CHST10: variants seen among roughly 807,000 people sequenced by gnomAD.
CHST10 encodes the protein HNK-1 sulfotransferase.
A neutral mutation model predicts 34.7 loss-of-function variants in CHST10; 24 were observed. The observed-to-expected ratio is 0.69, with a 90% CI of 0.50 to 0.97. The LOEUF (loss-of-function observed/expected upper bound fraction) is 0.97, where lower values mean the gene tolerates loss of function less well. Among genes scored for constraint, CHST10 ranks in the 50% least tolerant of loss-of-function variants. The pLI is 0.00. For synonymous variants in CHST10, 161 were observed against 169.3 expected (o/e 0.95, Z 0.38); for missense variants, 402 against 452.1 (o/e 0.89, Z 1.00).
chr2:100,400,964 A>G (rs934997660), intron 4 of CHST10, among the ~76,000 whole-genome samples: 1 of 152,242 alleles, frequency 6.6e-6, no homozygotes, highest in African/African-American at 2.4e-5. Context: ...AACAGGAGTG[A>G]GGCACCGCAC....
Position 100,393,757 on chromosome 2 carries a change from TA to T in CHST10, c.558del (p.Phe186LeufsTer3). The T allele has an allele frequency of 1.2e-6, 2 of 1,609,516 alleles. No homozygotes were observed. Among genetic ancestry groups the T allele is most frequent in the Non-Finnish European group, 8.5e-7 (1 of 1,178,982 alleles). On this transcript the variant is annotated frameshift_variant, in exon 7 of 7. Transcript: ENST00000264249. LOFTEE classifies it high-confidence loss of function. ...AGTCTTTCGAAGGGATCTCTTACAA[TA>T]AAAAACTTGAAGTATGTTTTCAATC... ...QKRLKTYFKF[F>X]IVRDPFERLI...
chr2:100,393,067 A>G lies in CHST10; in HGVS notation c.*178T>C, dbSNP rs773934669. 2.9e-4 allele frequency: 188 copies of G among 644,916 alleles called. No homozygotes were observed. Among genetic ancestry groups the G allele is most frequent in the Non-Finnish European group, 4.3e-4 (160 of 374,748 alleles). The allele number at this position is 644,916 out of a possible 1,614,324, so 39.9% of individuals were successfully genotyped here. A position where few individuals can be genotyped will look rare whatever the true frequency, so the allele number is the denominator to read the frequency against. On this transcript the variant is annotated 3_prime_UTR_variant, in exon 7 of 7. Coordinates refer to ENST00000264249, the MANE Select transcript of CHST10 (RefSeq NM_004854.5). ...GGTCCTCAGAGCATCTTACATCCAA[A>G]CTAAGTTGTAACAGTTGGGGTTCTG...
chr2:100,402,473 A>G (rs985904916), intron 4 of CHST10, 91 bp downstream of exon 4: 32 of 954,852 alleles, frequency 3.4e-5, no homozygotes, highest in Non-Finnish European at 5.2e-5. Context: ...AGACGTGATG[A>G]CAAGCGGAAC....
chr2:100,402,583 T>C lies in CHST10; in HGVS notation c.173A>G (p.His58Arg). ...GCCCACCTTCAGTTCCTCAGGAATG[T>C]GCTTCTCTTCTGGCAACTTCCTCAC... ...PEVRKLPEEK[H>R]IPEELKPTGK... Residue 58 changes from histidine (H) to arginine (R), a missense_variant, in exon 4 of 7, where the codon CAC becomes CGC. Coordinates refer to ENST00000264249, the MANE Select transcript of CHST10 (RefSeq NM_004854.5). The C allele has an allele frequency of 6.2e-7, 1 of 1,613,874 alleles. No homozygotes were observed. The highest frequency in any genetic ancestry group is 8.5e-7 in the Non-Finnish European group (1 of 1,179,846).
At chr2:100,404,004 G>C (rs1157214746) in intron 3 of CHST10, among the ~76,000 whole-genome samples, 3 of 152,308 alleles carry the variant, frequency 2.0e-5, no homozygotes, top group Admixed American at 1.3e-4. Flanking sequence ...CAGGCTCTGA[G>C]TGTAAATGCT....
Position 100,403,515 on chromosome 2 carries a change from T to C in CHST10, c.101-860A>G, listed in dbSNP as rs188533170. ...AAACTGTAACACTAAAAAAAGTAAG[T>C]GTTGCTTTAAACAGCAACTCACGAC... On this transcript the variant is annotated intron_variant, in intron 3 of 6. Transcript: ENST00000264249. Among the ~76,000 whole-genome samples, 265 of 152,284 alleles carry C rather than the reference T, an allele frequency of 1.7e-3. 4 individuals carry two copies. Among genetic ancestry groups the C allele is most frequent in the African/African-American group, 6.1e-3 (252 of 41,552 alleles).
intron 2 of CHST10, among the ~76,000 whole-genome samples, chr2:100,413,629 C>T (rs1043475797): frequency 1.3e-5 from 2 of 152,090 alleles, no homozygotes; most frequent in Non-Finnish European, 1.5e-5. Flanking sequence ...TTACTATTAC[C>T]ATCTCTTGAT....
At chr2:100,410,538 T>C (rs1278525458) in intron 2 of CHST10, among the ~76,000 whole-genome samples, 1 of 152,202 alleles carries the variant, frequency 6.6e-6, no homozygotes, top group Non-Finnish European at 1.5e-5. Context: ...AACTCAGGAA[T>C]GTGGAAAGGT....
At chr2:100,412,740 T>G (rs1305555952) in intron 2 of CHST10, among the ~76,000 whole-genome samples, 1 of 152,196 alleles carries the variant, frequency 6.6e-6, no homozygotes, top group Non-Finnish European at 1.5e-5. Flanking sequence ...AAAAAGCATC[T>G]AGTCAACGAG....
intron 2 of CHST10, 53 bp downstream of exon 2, chr2:100,414,988 A>T (rs574177140): frequency 8.2e-7 from 1 of 1,222,532 alleles, no homozygotes; most frequent in Admixed American, 2.5e-5. Context: ...GGCAGGAACA[A>T]TACTGAATGG....
At chr2:100,409,678 A>G (rs576138807) in intron 2 of CHST10, among the ~76,000 whole-genome samples, 19 of 152,116 alleles carry the variant, frequency 1.2e-4, no homozygotes, top group Non-Finnish European at 2.6e-4. Flanking sequence ...GTGTCAATGA[A>G]GAGCTCTTCG....
intron 1 of CHST10, chr2:100,415,710 C>T (rs548428199): frequency 6.6e-6 from 1 of 152,264 alleles, no homozygotes; most frequent in Non-Finnish European, 1.5e-5. Context: ...AAGCAATTTC[C>T]TATTATGTTG....
intron 3 of CHST10, among the ~76,000 whole-genome samples, chr2:100,403,872 T>G (rs1214712312): frequency 2.0e-5 from 3 of 152,202 alleles, no homozygotes; most frequent in Non-Finnish European, 4.4e-5. Context: ...TTAGAGGGGT[T>G]CCTGTGCTGC....
Position 100,393,299 on chromosome 2 carries a change from G to A in CHST10, c.1017C>T (p.Phe339=), listed in dbSNP as rs552990765. 1.2e-5 allele frequency: 20 copies of A among 1,614,020 alleles called. No homozygotes were observed. The highest frequency in any genetic ancestry group is 3.3e-5 in the Admixed American group (2 of 60,010). ...ACCCAAAGAGCTTAAAGTCCCCTTC[G>A]AAACGGGCATACAGGCGTCGGATGT... ...KRDIRRLYAR[F]EGDFKLFGYQ... is the part of the protein sequence containing the mutation. The change falls in exon 7 of 7, where the codon TTC becomes TTT. Residue 339 remains phenylalanine, a synonymous_variant. Coordinates refer to ENST00000264249, the MANE Select transcript of CHST10 (RefSeq NM_004854.5).
At position 100,392,895 on chromosome 2, in the gene CHST10, C is replaced by A; in HGVS notation, c.*350G>T. The stretch of plus-strand genomic sequence containing the variant: ...GCCAGGAGAACCTCAGGGGCATCCC[C>A]TTCCTTAACACCTGAAGGAAACGGC... On this transcript the variant is annotated 3_prime_UTR_variant, in exon 7 of 7. Coordinates refer to ENST00000264249, the MANE Select transcript of CHST10 (RefSeq NM_004854.5). 3.8e-6 allele frequency: 1 copy of A among 263,706 alleles called. No individual in the cohort carries two copies. Among genetic ancestry groups the A allele is most frequent in the East Asian group, 8.5e-5 (1 of 11,828 alleles). The allele number at this position is 263,706 out of a possible 1,614,324, so 16.3% of individuals were successfully genotyped here. A position where few individuals can be genotyped will look rare whatever the true frequency, so the allele number is the denominator to read the frequency against.
intron 5 of CHST10, 37 bp downstream of exon 5, chr2:100,397,871 A>G: frequency 6.5e-7 from 1 of 1,546,514 alleles, no homozygotes; most frequent in East Asian, 2.2e-5. Context: ...GGCCACCAAG[A>G]CCCTTCCCAG....
At chr2:100,409,104 G>A (rs562477060) in intron 2 of CHST10, among the ~76,000 whole-genome samples, 17 of 152,252 alleles carry the variant, frequency 1.1e-4, no homozygotes, top group African/African-American at 2.4e-4. Context: ...AGCATGTGGC[G>A]GGAGGACCTG....
chr2:100,411,391 C>T (rs1055404761), intron 2 of CHST10, among the ~76,000 whole-genome samples: 8 of 152,072 alleles, frequency 5.3e-5, no homozygotes, highest in African/African-American at 1.7e-4. Flanking sequence ...GGATTATAGG[C>T]GTGAGCCACC....
At chr2:100,403,851 T>C (rs1249042834) in intron 3 of CHST10, among the ~76,000 whole-genome samples, 3 of 152,218 alleles carry the variant, frequency 2.0e-5, no homozygotes, top group East Asian at 3.9e-4. Flanking sequence ...AAGCCCTTTA[T>C]GGCCACGAGC....
Sources: gnomAD v4.1 joint callset for allele counts (sites outside exome capture counted in the v4.1 genomes callset) on GRCh38, gnomAD v4.1.1 for gene constraint, MANE v1.5 for transcripts, NCBI Gene and HGNC (gene_info 2026-07-23, HGNC 2026-07-21) for gene names.